FOXN3: variants seen among roughly 807,000 people sequenced by gnomAD.
FOXN3 encodes the protein forkhead box protein N3.
In FOXN3, 7 loss-of-function variants were observed where a neutral mutation model predicts 38.4. The observed-to-expected ratio is 0.18, with a 90% CI of 0.10 to 0.34. The LOEUF is 0.34. FOXN3 is among the 10% of genes least tolerant of loss of function. The probability of loss-of-function intolerance (pLI) is 1.00; values close to 1 mark genes in which losing one functional copy is unlikely to be tolerated. For missense variants in FOXN3, 456 were observed against 613.4 expected (o/e 0.74, Z 2.71); for synonymous variants, 230 against 242.2 (o/e 0.95, Z 0.47).
chr14:89,559,207 C>T (rs1895195717), intron 1 of FOXN3, among the ~76,000 whole-genome samples: 2 of 152,018 alleles, frequency 1.3e-5, no homozygotes, highest in South Asian at 4.2e-4. Flanking sequence ...CCGCCCAACC[C>T]CATCTCTGCA....
chr14:89,251,590 C>A (rs1885457971), intron 4 of FOXN3, among the ~76,000 whole-genome samples: 3 of 152,160 alleles, frequency 2.0e-5, no homozygotes, highest in African/African-American at 7.2e-5. Context: ...ACTTTACTGG[C>A]ATAGGAAAAA....
chr14:89,308,402 C>T (rs768538451), intron 3 of FOXN3, among the ~76,000 whole-genome samples: 2 of 152,240 alleles, frequency 1.3e-5, no homozygotes, highest in Non-Finnish European at 2.9e-5. Context: ...TGTCCCGCAC[C>T]GTTCTGTGCA....
rs116868960 is a variant in FOXN3 at position 89,543,985 on chromosome 14, T to C, written c.-15+75043A>G. Among the ~76,000 whole-genome samples the C allele has an allele frequency of 4.3e-3, 649 of 152,306 alleles. 7 individuals carry two copies. The highest frequency in any genetic ancestry group is 7.1e-3 in the South Asian group (34 of 4,822). On this transcript the variant is annotated intron_variant, in intron 1 of 6. Coordinates refer to the FOXN3 transcript ENST00000345097. ...GGAGCTTCGATGTAATGGATTCTGG[T>C]GTCAAATGCATCTTTATGCCTGGTA...
At chr14:89,566,359 G>A (rs770023683) in intron 1 of FOXN3, among the ~76,000 whole-genome samples, 11 of 151,960 alleles carry the variant, frequency 7.2e-5, no homozygotes, top group Non-Finnish European at 1.6e-4. Context: ...GCCAGCTCAC[G>A]CTGGGTAGAA....
upstream of FOXN3, chr14:89,417,758 T>G (rs1300836988): frequency 2.2e-6 from 1 of 455,724 alleles, no homozygotes; most frequent in Non-Finnish European, 4.4e-6. Flanking sequence ...CCCCAGGGCC[T>G]TCCGAGCCCT....
In FOXN3 at chr14:89,161,029, T is replaced by C. The variant is rs550729654; in HGVS notation, c.*1385A>G. On this transcript the variant is annotated 3_prime_UTR_variant, in exon 6 of 6. Transcript: ENST00000557258. ...GGCATAGCCTTTTCTCTATTTTCTA[T>C]ATTTATATGAAAATAATTCATGCTT... 3 of 152,400 alleles carry C rather than the reference T, an allele frequency of 2.0e-5. No individual in the cohort carries two copies. Among genetic ancestry groups the C allele is most frequent in the East Asian group, 1.9e-4 (1 of 5,196 alleles). 9.4% of individuals were successfully genotyped at this position (152,400 alleles called of 1,614,324 possible).
At position 89,207,145 on chromosome 14, in the gene FOXN3, C is replaced by T. The variant is rs953634715; in HGVS notation, c.746-26339G>A. On this transcript the variant is annotated intron_variant, in intron 4 of 5. Coordinates refer to ENST00000557258, the MANE Select transcript of FOXN3 (RefSeq NM_005197.4). ...CTGAGGCAGCAGGATCGCTTGAACCCGGGAGGTGCAGGTTGCAGTGAGCCG... is the reference window on the plus strand; with the variant it reads ...CTGAGGCAGCAGGATCGCTTGAACCTGGGAGGTGCAGGTTGCAGTGAGCCG... Among the ~76,000 whole-genome samples, 6 of 152,096 alleles carry T rather than the reference C, an allele frequency of 3.9e-5. No individual in the cohort carries two copies. In the South Asian group the frequency reaches 8.3e-4, roughly 21 times the overall value.
intron 2 of FOXN3, among the ~76,000 whole-genome samples, chr14:89,409,773 C>A (rs1891492543): frequency 6.6e-6 from 1 of 152,228 alleles, no homozygotes; most frequent in South Asian, 2.1e-4. Context: ...TACAGAGGAG[C>A]AATGAATGTC....
At chr14:89,466,424 C>T (rs923413457) in intron 1 of FOXN3, among the ~76,000 whole-genome samples, 4 of 152,160 alleles carry the variant, frequency 2.6e-5, no homozygotes, top group African/African-American at 4.8e-5. Context: ...ATATGTTTTT[C>T]GTGCCAGTTG....
intron 4 of FOXN3, among the ~76,000 whole-genome samples, chr14:89,229,270 A>G (rs949868909): frequency 6.6e-6 from 1 of 152,246 alleles, no homozygotes; most frequent in Non-Finnish European, 1.5e-5. Context: ...TACCAAACAC[A>G]ATTCAGACTT....
intron 4 of FOXN3, among the ~76,000 whole-genome samples, chr14:89,260,747 C>T (rs1385938888): frequency 1.3e-5 from 2 of 152,348 alleles, no homozygotes; most frequent in East Asian, 3.9e-4. Flanking sequence ...GTCGGAATCA[C>T]TCTGCCATTT....
intron 2 of FOXN3, chr14:89,355,223 A>ATTC (rs1566964601): frequency 6.9e-6 from 1 of 144,072 alleles, no homozygotes; most frequent in African/African-American, 2.6e-5. Context: ...AAAAAAAGTA[A>ATTC]TTTTTTTTTT....
chr14:89,453,955 T>A (rs1474127281), intron 1 of FOXN3, among the ~76,000 whole-genome samples: 1 of 152,174 alleles, frequency 6.6e-6, no homozygotes, highest in East Asian at 1.9e-4. Context: ...ATTAGGTTTA[T>A]AAATCAGATC....
At chr14:89,280,690 A>G (rs2148407) in intron 4 of FOXN3, among the ~76,000 whole-genome samples, 10,097 of 152,192 alleles carry the variant, frequency 0.066, 412 homozygotes, top group South Asian at 0.15. Flanking sequence ...CTTCCAGAAT[A>G]TGAACAGTGA....
chr14:89,336,135 C>T (rs916249491), intron 3 of FOXN3, among the ~76,000 whole-genome samples: 1 of 84,210 alleles, frequency 1.2e-5, no homozygotes, highest in Admixed American at 1.6e-4. Flanking sequence ...AGAAGTGATC[C>T]TTACACACAC....
intron 2 of FOXN3, 97 bp downstream of exon 2, chr14:89,411,837 A>T: frequency 2.7e-6 from 2 of 746,324 alleles, no homozygotes; most frequent in Non-Finnish European, 3.9e-6. Flanking sequence ...TACAACTGCT[A>T]CTTCAATGTG....
At chr14:89,309,345 T>A (rs1887465797) in intron 3 of FOXN3, among the ~76,000 whole-genome samples, 1 of 152,076 alleles carries the variant, frequency 6.6e-6, no homozygotes, top group African/African-American at 2.4e-5. Flanking sequence ...GGGAGGTGTG[T>A]TCCAGGACTC....
chr14:89,602,928 T>A (rs1350623117), intron 1 of FOXN3, among the ~76,000 whole-genome samples: 1 of 152,124 alleles, frequency 6.6e-6, no homozygotes, highest in African/African-American at 2.4e-5. Flanking sequence ...TCTTTATAAG[T>A]AAAATAAGAG....
chr14:89,201,112 T>A (rs923255061), intron 4 of FOXN3, among the ~76,000 whole-genome samples: 12 of 152,206 alleles, frequency 7.9e-5, no homozygotes, highest in Non-Finnish European at 1.2e-4. Context: ...ATATATTTTT[T>A]AAATTTTTTA....
Sources: allele counts gnomAD v4.1 joint callset (sites outside exome capture counted in the v4.1 genomes callset), GRCh38; gene constraint gnomAD v4.1.1; transcripts MANE v1.5; gene names NCBI Gene and HGNC (gene_info 2026-07-23, HGNC 2026-07-21).